Variants in LRFN5 observed in about 807,000 individuals in gnomAD.
The protein encoded by LRFN5 is leucine-rich repeat and fibronectin type-III domain-containing protein 5.
LRFN5 carries 24 observed loss-of-function variants against 45.6 expected under a neutral mutation model. The observed-to-expected ratio is 0.53, with a 90% CI of 0.38 to 0.74. LRFN5 has a LOEUF of 0.74. LRFN5 is among the 30% of genes least tolerant of loss of function. The pLI, the probability that LRFN5 is intolerant of heterozygous loss-of-function variation, is 0.00. For synonymous variants in LRFN5, 340 were observed against 313.8 expected (o/e 1.08, Z -0.88); for missense variants, 776 against 861.5 (o/e 0.90, Z 1.24).
At chr14:41,835,115 T>G (rs1888617619) in intron 2 of LRFN5, among the ~76,000 whole-genome samples, 1 of 152,140 alleles carries the variant, frequency 6.6e-6, no homozygotes, top group African/African-American at 2.4e-5. Flanking sequence ...ATAATGACTT[T>G]AAAAGCAAAA....
intron 2 of LRFN5, among the ~76,000 whole-genome samples, chr14:41,834,784 A>G (rs1226714042): frequency 6.6e-6 from 1 of 151,804 alleles, no homozygotes. Flanking sequence ...CACCTCAGCC[A>G]CCTGAGTAGC....
intron 1 of LRFN5, among the ~76,000 whole-genome samples, chr14:41,624,663 G>T (rs566889274): frequency 6.6e-6 from 1 of 152,166 alleles, no homozygotes; most frequent in South Asian, 2.1e-4. Flanking sequence ...ATGAAATACT[G>T]TTACTCTACA....
intron 2 of LRFN5, among the ~76,000 whole-genome samples, chr14:41,884,662 C>G (rs1295490479): frequency 2.0e-5 from 3 of 152,020 alleles, no homozygotes; most frequent in Admixed American, 6.5e-5. Context: ...CATTTAACAC[C>G]CTCCCCTTAA....
At position 41,785,106 on chromosome 14, in the gene LRFN5, A is replaced by G. The variant is rs538001748; in HGVS notation, c.-21+18077A>G. Among the ~76,000 whole-genome samples, 12 of 152,264 alleles carry G rather than the reference A, an allele frequency of 7.9e-5. 1 individual carries two copies. In the East Asian group the frequency reaches 1.9e-3, roughly 25 times the overall value. ...TTTTTTTTGGAGTGGTGTTTGAATAAGGTAGCTTTTCCATTCTTTTACTAT... is the reference window on the plus strand; with the variant it reads ...TTTTTTTTGGAGTGGTGTTTGAATAGGGTAGCTTTTCCATTCTTTTACTAT... On this transcript the variant is annotated intron_variant, in intron 2 of 5. Transcript: ENST00000298119.
chr14:41,744,166 C>G (rs1594667730), intron 1 of LRFN5, among the ~76,000 whole-genome samples: 1 of 152,004 alleles, frequency 6.6e-6, no homozygotes. Context: ...CCAACCAAGG[C>G]AACATGGCAA....
At position 41,619,603 on chromosome 14, in the gene LRFN5, A is replaced by G. The variant is rs542352320; in HGVS notation, c.-197+11041A>G. ...TATATTTTCTTTAGAATCTAATGTA[A>G]GATAGGTAATGTGTGGTATGCTTTT... On this transcript the variant is annotated intron_variant, in intron 1 of 5. Transcript: ENST00000298119. 6.0e-4 allele frequency among the ~76,000 whole-genome samples: 91 copies of G among 152,140 alleles called. 1 individual carries two copies. The highest frequency in any genetic ancestry group is 1.0e-3 in the Non-Finnish European group (70 of 67,942).
chr14:41,851,114 T>C (rs1024054770), intron 2 of LRFN5, among the ~76,000 whole-genome samples: 4 of 151,914 alleles, frequency 2.6e-5, no homozygotes, highest in East Asian at 3.9e-4. Flanking sequence ...GTAGCAATAT[T>C]GTAGTACACC....
At chr14:41,823,105 A>G (rs1378215661) in intron 2 of LRFN5, among the ~76,000 whole-genome samples, 2 of 151,924 alleles carry the variant, frequency 1.3e-5, no homozygotes, top group African/African-American at 2.4e-5. Flanking sequence ...CTGCTCATCT[A>G]TAGTGTAGGA....
chr14:41,792,363 G>T (rs1594713379), intron 2 of LRFN5, among the ~76,000 whole-genome samples: 1 of 152,066 alleles, frequency 6.6e-6, no homozygotes, highest in South Asian at 2.1e-4. Flanking sequence ...CAGAAAACAG[G>T]TTCGAGAGCA....
chr14:41,853,559 C>T (rs1226899277), intron 2 of LRFN5, among the ~76,000 whole-genome samples: 2 of 151,824 alleles, frequency 1.3e-5, no homozygotes, highest in Non-Finnish European at 2.9e-5. Flanking sequence ...GGAGTAGTTT[C>T]CTTGGGTTAC....
intron 1 of LRFN5, among the ~76,000 whole-genome samples, chr14:41,723,630 C>CACA (rs1258275773): frequency 6.6e-6 from 1 of 152,054 alleles, no homozygotes; most frequent in Non-Finnish European, 1.5e-5. Flanking sequence ...CAGACTGGTT[C>CACA]CAGGTCCCCA....
chr14:41,817,148 T>C (rs1887949800), intron 2 of LRFN5, among the ~76,000 whole-genome samples: 1 of 152,082 alleles, frequency 6.6e-6, no homozygotes, highest in African/African-American at 2.4e-5. Flanking sequence ...ATTAAAATTT[T>C]TATATCTCTG....
intron 2 of LRFN5, among the ~76,000 whole-genome samples, chr14:41,809,907 C>G (rs1233268888): frequency 6.6e-6 from 1 of 151,884 alleles, no homozygotes; most frequent in Non-Finnish European, 1.5e-5. Context: ...GTAAGTATGT[C>G]AGACAATTAC....
At chr14:41,846,645 A>G (rs2139066357) in intron 2 of LRFN5, among the ~76,000 whole-genome samples, 1 of 152,274 alleles carries the variant, frequency 6.6e-6, no homozygotes, top group South Asian at 2.1e-4. Flanking sequence ...TATTTTCTGC[A>G]CTTTCCTATA....
intron 1 of LRFN5, among the ~76,000 whole-genome samples, chr14:41,744,716 T>C (rs774412396): frequency 2.6e-5 from 4 of 152,074 alleles, no homozygotes; most frequent in Non-Finnish European, 5.9e-5. Flanking sequence ...TTCATGTAAA[T>C]ATTAACAAGA....
intron 2 of LRFN5, among the ~76,000 whole-genome samples, chr14:41,879,551 T>A (rs534248212): frequency 7.3e-5 from 11 of 151,348 alleles, no homozygotes; most frequent in Admixed American, 2.0e-4. Flanking sequence ...ATATATAAAA[T>A]TATATATTAC....
At chr14:41,800,832 G>T (rs1259713416) in intron 2 of LRFN5, among the ~76,000 whole-genome samples, 2 of 151,472 alleles carry the variant, frequency 1.3e-5, no homozygotes, top group Non-Finnish European at 2.9e-5. Flanking sequence ...TATTGTCTAA[G>T]TGCTTTATAG....
chr14:41,842,370 TCAA>T (rs1193332896), intron 2 of LRFN5, among the ~76,000 whole-genome samples: 1 of 152,126 alleles, frequency 6.6e-6, no homozygotes, highest in Admixed American at 6.6e-5. Context: ...AACCCAAATA[TCAA>T]CAAATAGTTA....
chr14:41,846,471 G>C (rs2139065980), intron 2 of LRFN5, among the ~76,000 whole-genome samples: 1 of 152,164 alleles, frequency 6.6e-6, no homozygotes, highest in Admixed American at 6.6e-5. Context: ...AAACTATTGA[G>C]GGAAAGAGGT....
Sources: gnomAD v4.1 joint callset for allele counts (sites outside exome capture counted in the v4.1 genomes callset) on GRCh38, gnomAD v4.1.1 for gene constraint, MANE v1.5 for transcripts, NCBI Gene and HGNC (gene_info 2026-07-23, HGNC 2026-07-21) for gene names.